The following USP9X variants were observed in gnomAD, a reference collection of about 807,000 sequenced individuals.
USP9X encodes the protein ubiquitin carboxyl-terminal hydrolase 9X.
In USP9X, 7 loss-of-function variants were observed where a neutral mutation model predicts 190.3. The ratio of observed to expected loss-of-function variants is 0.04; its 90% CI spans 0.02 to 0.07. The LOEUF is 0.07. Among genes scored for constraint, USP9X ranks in the 10% least tolerant of loss-of-function variants. The probability of loss-of-function intolerance (pLI) is 1.00; values close to 1 mark genes in which losing one functional copy is unlikely to be tolerated. For synonymous variants in USP9X, 645 were observed against 659.5 expected (o/e 0.98, Z 0.34); for missense variants, 1,010 against 1,916.9 (o/e 0.53, Z 8.83).
rs368263756 is a variant in USP9X at position 41,214,729 on chromosome X, G to C, written c.5331+20G>C. 3.5e-5 allele frequency: 41 copies of C among 1,179,630 alleles called. No homozygotes were observed. Among genetic ancestry groups the C allele is most frequent in the Non-Finnish European group, 4.6e-5 (41 of 884,087 alleles). The stretch of plus-strand genomic sequence containing the variant: ...AAAAAGGTACGGGCTGTCCAGTTTT[G>C]TTTAATTTTGATTACATTTAATGGA... On this transcript the variant is annotated intron_variant, in intron 34 of 44. Coordinates refer to ENST00000378308, the MANE Select transcript of USP9X (RefSeq NM_001039591.3).
Position 41,191,890 on chromosome X carries a change from A to G in USP9X, c.3977+2415A>G, listed in dbSNP as rs190025760. The stretch of plus-strand genomic sequence containing the variant: ...GAGCTCATGTTTGGGCAGGATTTAT[A>G]TGTGCATAAAAGTAGAAGATGGTCA... On this transcript the variant is annotated intron_variant, in intron 26 of 44. Coordinates refer to ENST00000378308, the MANE Select transcript of USP9X (RefSeq NM_001039591.3). 1.4e-4 allele frequency among the ~76,000 whole-genome samples: 16 copies of G among 111,825 alleles called. No homozygotes were observed. In the East Asian group the frequency reaches 4.2e-3, roughly 29 times the overall value.
intron 29 of USP9X, among the ~76,000 whole-genome samples, chrX:41,198,198 T>C (rs185515886): frequency 1.2e-4 from 13 of 112,257 alleles, no homozygotes; most frequent in African/African-American, 1.9e-4. Context: ...AAGTTTCATT[T>C]TTGTACATTT....
chrX:41,123,576 T>C lies in USP9X; in HGVS notation c.-53T>C, dbSNP rs764592424. On this transcript the variant is annotated 5_prime_UTR_variant, in exon 2 of 45. Coordinates refer to ENST00000378308, the MANE Select transcript of USP9X (RefSeq NM_001039591.3). ...TATAAGTGGACTATAATTTCTTTTC[T>C]CAAGACAACTACATAAGCAGACAAA... 1 of 1,073,921 alleles carries C rather than the reference T, an allele frequency of 9.3e-7. No homozygotes were observed. Among genetic ancestry groups the C allele is most frequent in the Non-Finnish European group, 1.3e-6 (1 of 776,588 alleles). 88.5% of individuals were successfully genotyped at this position (1,073,921 alleles called of 1,213,427 possible).
At chrX:41,230,733 G>C (rs1368234771) in intron 44 of USP9X, 137 bp downstream of exon 44, 2 of 512,079 alleles carry the variant, frequency 3.9e-6, no homozygotes, top group African/African-American at 2.4e-5. Context: ...GCATGATCCA[G>C]AAGAGGGATG....
chrX:41,177,777 C>T (rs758225379), intron 21 of USP9X, among the ~76,000 whole-genome samples: 21 of 111,053 alleles, frequency 1.9e-4, no homozygotes, highest in Non-Finnish European at 2.5e-4. Context: ...TTTGTTTTCT[C>T]GCCTTTATAT....
At chrX:41,126,438 C>T (rs901156443) in intron 2 of USP9X, among the ~76,000 whole-genome samples, 24 of 111,767 alleles carry the variant, frequency 2.1e-4, no homozygotes, top group Non-Finnish European at 3.8e-4. Context: ...TTCCCTCTTC[C>T]TTTTTCATTT....
At chrX:41,110,584 C>T (rs1601940822) in intron 1 of USP9X, among the ~76,000 whole-genome samples, 1 of 111,609 alleles carries the variant, frequency 9.0e-6, no homozygotes, top group South Asian at 3.7e-4. Flanking sequence ...TTTTTTTACT[C>T]ATGAAATTGG....
At position 41,196,642 on chromosome X, in the gene USP9X, A is replaced by G. The variant is rs1371223168; in HGVS notation, c.4137A>G (p.Leu1379=). The G allele has an allele frequency of 8.3e-7, 1 of 1,207,044 alleles. No individual in the cohort carries two copies. Among genetic ancestry groups the G allele is most frequent in the Middle Eastern group, 2.3e-4 (1 of 4,336 alleles). The change falls in exon 28 of 45, where the codon TTA becomes TTG. Residue 1379 remains leucine, a synonymous_variant. Coordinates refer to ENST00000378308, the MANE Select transcript of USP9X (RefSeq NM_001039591.3). ...ACTCAGGCGACTACTTTACTCTTTT[A>G]AGACACCTTCTTAATTACGCTTACA... ...AKHSGDYFTL[L]RHLLNYAYNS...
rs1173052212 is a variant in USP9X, at chrX:41,232,601, A to G, written c.*77A>G. On this transcript the variant is annotated 3_prime_UTR_variant, in exon 45 of 45. Transcript: ENST00000378308. Reference sequence around the variant, plus strand: ...TCCAACCTTTTTCTGTGTCTGGCTAATATTTAAAACTAGAAAAACTATTCC... The same window carrying G: ...TCCAACCTTTTTCTGTGTCTGGCTAGTATTTAAAACTAGAAAAACTATTCC... 2.7e-6 allele frequency: 3 copies of G among 1,098,856 alleles called. No homozygotes were observed. The highest frequency in any genetic ancestry group is 5.5e-5 in the Admixed American group (2 of 36,681). The allele number at this position is 1,098,856 out of a possible 1,213,427, so 90.6% of individuals were successfully genotyped here. A position where few individuals can be genotyped will look rare whatever the true frequency, so the allele number is the denominator to read the frequency against.
At chrX:41,179,011 A>G (rs1331248000) in intron 21 of USP9X, among the ~76,000 whole-genome samples, 1 of 111,921 alleles carries the variant, frequency 8.9e-6, no homozygotes. Flanking sequence ...TTTGTTGAAA[A>G]TCAGTTGTTT....
chrX:41,100,845 C>T (rs1193848079), intron 1 of USP9X, among the ~76,000 whole-genome samples: 1 of 110,213 alleles, frequency 9.1e-6, no homozygotes, highest in Non-Finnish European at 1.9e-5. Context: ...TGGGGTTTCA[C>T]CATGTTGGCC....
rs201753461 is a variant in USP9X at position 41,223,314 on chromosome X, G to A, written c.6663G>A (p.Gln2221=). The A allele has an allele frequency of 5.8e-6, 7 of 1,210,236 alleles. No homozygotes were observed. Among genetic ancestry groups the A allele is most frequent in the Non-Finnish European group, 7.8e-6 (7 of 895,194 alleles). ...GTCCAGGTCCTCCAATCAAATACCAGTATGCTGAATTAGGCAAATTATACT... is the reference window on the plus strand; with the variant it reads ...GTCCAGGTCCTCCAATCAAATACCAATATGCTGAATTAGGCAAATTATACT... ...DEGPGPPIKY[Q]YAELGKLYSV... Residue 2221 remains glutamine (Q), a synonymous_variant, in exon 39 of 45, where the codon CAG becomes CAA. Transcript: ENST00000378308.
At chrX:41,163,966 T>C (rs1362017389) in intron 15 of USP9X, among the ~76,000 whole-genome samples, 8 of 110,469 alleles carry the variant, frequency 7.2e-5, no homozygotes, top group African/African-American at 2.6e-4. Context: ...AACCTCCACC[T>C]CCCAGGTACA....
intron 41 of USP9X, among the ~76,000 whole-genome samples, chrX:41,226,359 A>T (rs1028145083): frequency 8.9e-6 from 1 of 111,895 alleles, no homozygotes; most frequent in African/African-American, 3.2e-5. Context: ...ATAATAGATG[A>T]TAAATTATGG....
At chrX:41,231,216 CAG>C (rs2063356806) in intron 44 of USP9X, among the ~76,000 whole-genome samples, 2 of 111,549 alleles carry the variant, frequency 1.8e-5, no homozygotes, top group South Asian at 7.5e-4. Context: ...GTTGCTCCAG[CAG>C]AGAGCTAGAT....
chrX:41,223,616 T>G (rs758532287), intron 39 of USP9X, among the ~76,000 whole-genome samples: 15 of 111,319 alleles, frequency 1.3e-4, no homozygotes, highest in East Asian at 5.7e-4. Flanking sequence ...TTTGTATTTT[T>G]AGCAGAGACG....
At chrX:41,190,641 T>C (rs912994845) in intron 26 of USP9X, among the ~76,000 whole-genome samples, 11 of 112,166 alleles carry the variant, frequency 9.8e-5, no homozygotes, top group African/African-American at 3.6e-4. Context: ...AAGTTTGTTA[T>C]TCTATGTTGA....
chrX:41,165,836 ATAAATC>A (rs779944603), intron 15 of USP9X, 30 bp from the exon 16 acceptor site: 90 of 1,164,642 alleles, frequency 7.7e-5, no homozygotes, highest in Non-Finnish European at 9.9e-5. Flanking sequence ...TAAAAATTAC[ATAAATC>A]TAATTGCCAA....
chrX:41,201,276 A>G lies in USP9X; in HGVS notation c.4820A>G (p.Asn1607Ser), dbSNP rs773181993. 66 of 1,204,022 alleles carry G rather than the reference A, an allele frequency of 5.5e-5. No homozygotes were observed. The highest frequency in any genetic ancestry group is 4.8e-5 in the Non-Finnish European group (43 of 889,494). The part of the protein sequence containing the change: ...DDMSGDEKQD[N>S]ESNVDPRDDV... ...ATGTCTGGGGATGAGAAGCAGGACA[A>G]TGAGGTAAATTTGAGTTACCATTTC... The change falls in exon 31 of 45, where the codon AAT becomes AGT. Residue 1607 changes from asparagine to serine, a missense_variant. Asn to Ser is a conservative substitution (Grantham distance 46, BLOSUM62 1). Transcript: ENST00000378308.
Sources: gnomAD v4.1 joint callset for allele counts (sites outside exome capture counted in the v4.1 genomes callset) on GRCh38, gnomAD v4.1.1 for gene constraint, MANE v1.5 for transcripts, NCBI Gene and HGNC (gene_info 2026-07-23, HGNC 2026-07-21) for gene names.